Variants in PRPSAP1 observed in about 807,000 individuals in gnomAD.
PRPSAP1 encodes the protein phosphoribosyl pyrophosphate synthase-associated protein 1.
Under a neutral mutation model 39.4 loss-of-function variants are expected in PRPSAP1, and 31 were observed. That is an observed-to-expected ratio of 0.79 (90% CI 0.59 to 1.06). The LOEUF is 1.06. Ranked by LOEUF, PRPSAP1 falls within the 50% of genes least tolerant of loss-of-function variation. The pLI is 0.00. For missense variants in PRPSAP1, 430 were observed against 511.6 expected, an observed-to-expected ratio of 0.84 and a Z score of 1.54; for synonymous variants, 212 against 192.6, an observed-to-expected ratio of 1.10 and a Z score of -0.83.
intron 3 of PRPSAP1, among the ~76,000 whole-genome samples, chr17:76,337,048 C>T (rs60138854): frequency 6.6e-6 from 1 of 152,138 alleles, no homozygotes; most frequent in Admixed American, 6.6e-5. Context: ...GTCTTTATCT[C>T]TAAGTAGGAC....
chr17:76,333,072 T>C (rs1486373600), intron 3 of PRPSAP1, among the ~76,000 whole-genome samples: 1 of 151,842 alleles, frequency 6.6e-6, no homozygotes, highest in African/African-American at 2.4e-5. Flanking sequence ...TTTGTATTTT[T>C]AGTAGAGACG....
intron 7 of PRPSAP1, among the ~76,000 whole-genome samples, chr17:76,326,856 T>C (rs1376769843): frequency 6.6e-6 from 1 of 152,128 alleles, no homozygotes; most frequent in Non-Finnish European, 1.5e-5. Flanking sequence ...TAAGAGTCTT[T>C]TGTCTTTACA....
Position 76,328,059 on chromosome 17 carries a change from T to C in PRPSAP1, c.781+658A>G, listed in dbSNP as rs530747289. On this transcript the variant is annotated intron_variant, in intron 7 of 9. Transcript: ENST00000446526. ...AAAGGAACAGAAAACTATCCAGGCATGGTAGTGTACCCCTACAGTCCCAGC... is the reference window on the plus strand; with the variant it reads ...AAAGGAACAGAAAACTATCCAGGCACGGTAGTGTACCCCTACAGTCCCAGC... Among the ~76,000 whole-genome samples, 8 of 151,890 alleles carry C rather than the reference T, an allele frequency of 5.3e-5. No homozygotes were observed. In the South Asian group the frequency reaches 8.3e-4, roughly 16 times the overall value.
intron 7 of PRPSAP1, among the ~76,000 whole-genome samples, chr17:76,318,890 A>C (rs182130548): frequency 4.6e-5 from 7 of 152,294 alleles, no homozygotes; most frequent in African/African-American, 1.7e-4. Context: ...CTGATAATAC[A>C]ACATCTATCA....
upstream of PRPSAP1, chr17:76,353,942 C>A: frequency 1.5e-6 from 2 of 1,314,458 alleles, no homozygotes; most frequent in Non-Finnish European, 1.9e-6. Flanking sequence ...TCCGGGCATC[C>A]GAAGAGCGTC....
At chr17:76,353,275 A>T (rs1198926798) in intron 1 of PRPSAP1, 1 of 463,570 alleles carries the variant, frequency 2.2e-6, no homozygotes, top group Non-Finnish European at 3.8e-6. Context: ...GACTGCGGAG[A>T]CGAAAGGCAG....
intron 7 of PRPSAP1, among the ~76,000 whole-genome samples, chr17:76,319,000 C>T (rs897638535): frequency 6.6e-5 from 10 of 152,004 alleles, no homozygotes; most frequent in East Asian, 3.8e-4. Flanking sequence ...AGTGCAGTGG[C>T]GTGATCTCAG....
At chr17:76,328,920 G>A (rs528938630) in intron 6 of PRPSAP1, 58 bp from the exon 7 acceptor site, 118 of 1,523,082 alleles carry the variant, frequency 7.7e-5, no homozygotes, top group Admixed American at 3.0e-4. Flanking sequence ...GCATCACTAC[G>A]GCATCATTTT....
chr17:76,343,434 G>A (rs2071461465), intron 3 of PRPSAP1, among the ~76,000 whole-genome samples: 2 of 152,250 alleles, frequency 1.3e-5, no homozygotes, highest in South Asian at 2.1e-4. Context: ...TATGAACCAG[G>A]AGCAGTTTAT....
chr17:76,313,549 C>T, intron 8 of PRPSAP1: 1 of 418,604 alleles, frequency 2.4e-6, no homozygotes, highest in East Asian at 3.9e-5. Context: ...ATTAGGTGAG[C>T]TGGTTTAAAG....
intron 7 of PRPSAP1, among the ~76,000 whole-genome samples, chr17:76,320,937 C>CATG (rs2071190257): frequency 2.6e-5 from 4 of 151,440 alleles, no homozygotes; most frequent in Non-Finnish European, 4.4e-5. Flanking sequence ...GCATGCCACA[C>CATG]CTGGCTAATT....
rs1471116803 is a variant in PRPSAP1 at position 76,324,928 on chromosome 17, T to C, written c.781+3789A>G. Among the ~76,000 whole-genome samples, 15 of 147,002 alleles carry C rather than the reference T, an allele frequency of 1.0e-4. No homozygotes were observed. In the East Asian group the frequency reaches 3.1e-3, roughly 30 times the overall value. ...TACAAAAAAAAAAAAATTAGCCAGG[T>C]GTGGTGGCAGGCACCTGTAGTCCCA... On this transcript the variant is annotated intron_variant, in intron 7 of 9. Transcript: ENST00000446526.
intron 2 of PRPSAP1, among the ~76,000 whole-genome samples, chr17:76,348,160 AAAAT>A (rs374946298): frequency 3.1e-4 from 46 of 149,246 alleles, no homozygotes; most frequent in South Asian, 2.3e-3. Flanking sequence ...CATCTTAATA[AAAAT>A]AAATAAATAA....
At chr17:76,347,483 TCAAAAAAAA>T (rs2071519651) in intron 2 of PRPSAP1, among the ~76,000 whole-genome samples, 1 of 36,016 alleles carries the variant, frequency 2.8e-5, no homozygotes. Flanking sequence ...CAAGACTCCG[TCAAAAAAAA>T]AAAAAAAAAA....
At position 76,320,178 on chromosome 17, in the gene PRPSAP1, G is replaced by A. The variant is rs146746598; in HGVS notation, c.782-6287C>T. ...CCAGAAACTTGAGAGAACGAGCCAC[G>A]AGAATCACTTGAAACTGGAAAGCAA... On this transcript the variant is annotated intron_variant, in intron 7 of 9. Coordinates refer to ENST00000446526, the MANE Select transcript of PRPSAP1 (RefSeq NM_002766.3). Among the ~76,000 whole-genome samples, 244 of 151,996 alleles carry A rather than the reference G, an allele frequency of 1.6e-3. 8 individuals are homozygous for A. The highest frequency in any genetic ancestry group is 5.4e-3 in the African/African-American group (225 of 41,422).
At chr17:76,350,074 CA>C (rs879647961) in intron 1 of PRPSAP1, among the ~76,000 whole-genome samples, 72 of 119,778 alleles carry the variant, frequency 6.0e-4, no homozygotes, top group Admixed American at 6.8e-4. Context: ...GACTTTATCT[CA>C]AAAAAAAAAA....
chr17:76,347,898 G>A (rs1468455885), intron 2 of PRPSAP1, among the ~76,000 whole-genome samples: 1 of 152,188 alleles, frequency 6.6e-6, no homozygotes, highest in South Asian at 2.1e-4. Context: ...GTGGATCAAA[G>A]ATGAGGCAGG....
rs567718948 is a variant in PRPSAP1 at position 76,339,142 on chromosome 17, C to T, written c.290+5529G>A. Among the ~76,000 whole-genome samples, 52 of 151,634 alleles carry T rather than the reference C, an allele frequency of 3.4e-4. 1 individual carries two copies. The South Asian group carries it at 5.2e-3, about 15-fold the overall frequency. On this transcript the variant is annotated intron_variant, in intron 3 of 9. Coordinates refer to ENST00000446526, the MANE Select transcript of PRPSAP1 (RefSeq NM_002766.3). ...TTTATTGACTGGGCACGGTGGCTCA[C>T]GTCTATAATCTCAGCACTTTGGGAG... is the stretch of plus-strand genomic sequence containing the variant.
intron 7 of PRPSAP1, among the ~76,000 whole-genome samples, chr17:76,316,656 TCAAA>T (rs1196430573): frequency 5.3e-5 from 8 of 152,244 alleles, no homozygotes; most frequent in Non-Finnish European, 1.2e-4. Context: ...TTCCATTTTA[TCAAA>T]CAAAATCTAA....
Sources: gnomAD v4.1 joint callset for allele counts (sites outside exome capture counted in the v4.1 genomes callset) on GRCh38, gnomAD v4.1.1 for gene constraint, MANE v1.5 for transcripts, NCBI Gene and HGNC (gene_info 2026-07-23, HGNC 2026-07-21) for gene names.